The following CTNND2 variants were observed in gnomAD, a reference collection of about 807,000 sequenced individuals.
The protein encoded by CTNND2 is catenin delta 2, also known as catenin delta-2.
In CTNND2, 22 loss-of-function variants were observed where a neutral mutation model predicts 144.4. That is an observed-to-expected ratio of 0.15 (90% CI 0.11 to 0.22). The LOEUF is 0.22. Among genes scored for constraint, CTNND2 ranks in the 10% least tolerant of loss-of-function variants. The pLI, the probability that CTNND2 is intolerant of heterozygous loss-of-function variation, is 1.00. For missense variants in CTNND2, 1,353 were observed against 1,618.8 expected (o/e 0.84, Z 2.82); for synonymous variants, 751 against 695.6 (o/e 1.08, Z -1.25).
intron 11 of CTNND2, among the ~76,000 whole-genome samples, chr5:11,167,846 A>G (rs1399825675): frequency 6.6e-6 from 1 of 150,638 alleles, no homozygotes; most frequent in Non-Finnish European, 1.5e-5. Context: ...CTAGGACTTC[A>G]TGCACGTGCT....
intron 1 of CTNND2, among the ~76,000 whole-genome samples, chr5:11,785,378 C>T (rs375145458): frequency 3.9e-5 from 6 of 152,124 alleles, no homozygotes; most frequent in South Asian, 2.1e-4. Flanking sequence ...AGGGTTAATT[C>T]GGATTTTTGA....
At chr5:11,192,948 TAGG>T (rs1318383736) in intron 11 of CTNND2, among the ~76,000 whole-genome samples, 1 of 152,180 alleles carries the variant, frequency 6.6e-6, no homozygotes. Flanking sequence ...TACTTTCCCT[TAGG>T]GGGTCACAAT....
At chr5:11,103,940 T>TCTGGACTC (rs1752164407) in intron 14 of CTNND2, among the ~76,000 whole-genome samples, 1 of 152,144 alleles carries the variant, frequency 6.6e-6, no homozygotes, top group African/African-American at 2.4e-5. Context: ...CAAGGAGCAG[T>TCTGGACTC]CAGGGAGTAT....
intron 9 of CTNND2, among the ~76,000 whole-genome samples, chr5:11,300,434 C>A (rs1239362322): frequency 6.6e-6 from 1 of 152,116 alleles, no homozygotes; most frequent in Non-Finnish European, 1.5e-5. Flanking sequence ...TCCCTCAAGT[C>A]GGGTCCAGCT....
intron 3 of CTNND2, among the ~76,000 whole-genome samples, chr5:11,452,383 T>C (rs2149915295): frequency 6.6e-6 from 1 of 152,318 alleles, no homozygotes; most frequent in South Asian, 2.1e-4. Context: ...AGAATAAAAT[T>C]TTATAATTTC....
chr5:11,879,243 A>G (rs73052537), intron 1 of CTNND2, among the ~76,000 whole-genome samples: 5,087 of 151,516 alleles, frequency 0.034, 163 homozygotes, highest in African/African-American at 0.08. Context: ...AGGGAGATAC[A>G]GTTAAAATTG....
chr5:11,840,973 C>T (rs1231883130), intron 1 of CTNND2, among the ~76,000 whole-genome samples: 1 of 152,036 alleles, frequency 6.6e-6, no homozygotes, highest in East Asian at 1.9e-4. Context: ...CTATAACAAA[C>T]TTTATGGCAA....
At chr5:11,330,591 C>CGG (rs1202334013) in intron 9 of CTNND2, among the ~76,000 whole-genome samples, 2 of 149,194 alleles carry the variant, frequency 1.3e-5, no homozygotes, top group Non-Finnish European at 3.0e-5. Flanking sequence ...AAGGGCGAGG[C>CGG]GGGTGGTGGA....
Position 11,719,829 on chromosome 5 carries a change from C to CAT in CTNND2, c.174+12305_174+12306dup, listed in dbSNP as rs1416193495. Among the ~76,000 whole-genome samples the CAT allele has an allele frequency of 4.4e-4, 53 of 121,450 alleles. 1 individual carries two copies. Among genetic ancestry groups the CAT allele is most frequent in the African/African-American group, 1.1e-3 (29 of 25,694 alleles). 79.7% of individuals were successfully genotyped at this position (121,450 alleles called of 152,430 possible). ...TCTTTGAATTTGTGGGTAGCTCTGA[C>CAT]ATATACACACACACACACACACACA... On this transcript the variant is annotated intron_variant, in intron 2 of 21. Transcript: ENST00000304623.
chr5:11,678,956 C>T (rs923606694), intron 2 of CTNND2, among the ~76,000 whole-genome samples: 3 of 151,862 alleles, frequency 2.0e-5, no homozygotes, highest in African/African-American at 4.8e-5. Flanking sequence ...GATAGATATA[C>T]TTATTCTACA....
intron 1 of CTNND2, among the ~76,000 whole-genome samples, chr5:11,795,678 G>A (rs933462395): frequency 7.2e-5 from 11 of 152,228 alleles, no homozygotes; most frequent in Non-Finnish European, 1.6e-4. Context: ...AGCTGAGGAA[G>A]AAGACAAAGA....
chr5:11,501,442 G>A (rs889821887), intron 3 of CTNND2, among the ~76,000 whole-genome samples: 1 of 152,200 alleles, frequency 6.6e-6, no homozygotes, highest in African/African-American at 2.4e-5. Flanking sequence ...TCTCTCACCT[G>A]ACCAGTGACC....
chr5:11,637,169 GT>G (rs564554762), intron 2 of CTNND2, among the ~76,000 whole-genome samples: 85 of 152,190 alleles, frequency 5.6e-4, no homozygotes, highest in African/African-American at 1.9e-3. Context: ...CTTGGAAAAT[GT>G]TTACTTAAAT....
chr5:11,265,496 C>T (rs1053012887), intron 9 of CTNND2, among the ~76,000 whole-genome samples: 10 of 152,258 alleles, frequency 6.6e-5, no homozygotes, highest in African/African-American at 1.7e-4. Flanking sequence ...ACACTGCAGA[C>T]GGGCCTTTTA....
chr5:11,178,193 C>T (rs1371577806), intron 11 of CTNND2, among the ~76,000 whole-genome samples: 1 of 152,140 alleles, frequency 6.6e-6, no homozygotes, highest in Non-Finnish European at 1.5e-5. Context: ...ATGACTCACA[C>T]ATTAAGCAAG....
chr5:11,364,912 A>C (rs1756821072), intron 7 of CTNND2, 22 bp from the exon 8 acceptor site: 2 of 1,595,112 alleles, frequency 1.3e-6, no homozygotes, highest in East Asian at 2.3e-5. Flanking sequence ...CAACAGAGGG[A>C]CATCAAAGCT....
intron 16 of CTNND2, among the ~76,000 whole-genome samples, chr5:11,065,809 C>T (rs1214669577): frequency 1.3e-5 from 2 of 152,114 alleles, no homozygotes; most frequent in Non-Finnish European, 2.9e-5. Context: ...TGTTTCTTTG[C>T]CATATTTTGA....
chr5:11,589,282 A>AACACAC (rs34009518), intron 2 of CTNND2, among the ~76,000 whole-genome samples: 6,486 of 146,644 alleles, frequency 0.044, 203 homozygotes, highest in African/African-American at 0.085. Flanking sequence ...TTAACATTAA[A>AACACAC]ACACACACAC....
chr5:11,894,747 G>C (rs772995549), intron 1 of CTNND2, among the ~76,000 whole-genome samples: 2 of 152,190 alleles, frequency 1.3e-5, no homozygotes, highest in Non-Finnish European at 2.9e-5. Flanking sequence ...AAAGTCACAA[G>C]AGAAGGCAAG....
Sources: gnomAD v4.1 joint callset for allele counts (sites outside exome capture counted in the v4.1 genomes callset) on GRCh38, gnomAD v4.1.1 for gene constraint, MANE v1.5 for transcripts, NCBI Gene and HGNC (gene_info 2026-07-23, HGNC 2026-07-21) for gene names.